OSBPL6: variants seen among roughly 807,000 people sequenced by gnomAD.
The protein encoded by OSBPL6 is oxysterol-binding protein-related protein 6.
In OSBPL6, 49 loss-of-function variants were observed where a neutral mutation model predicts 125.8. The observed-to-expected ratio is 0.39, with a 90% CI of 0.31 to 0.49. OSBPL6 has a LOEUF of 0.49. OSBPL6 is among the 20% of genes least tolerant of loss of function. The pLI, the probability that OSBPL6 is intolerant of heterozygous loss-of-function variation, is 0.88. For synonymous variants in OSBPL6, 394 were observed against 391.8 expected (o/e 1.01, Z -0.07); for missense variants, 986 against 1,135.4 (o/e 0.87, Z 1.89).
chr2:178,342,976 A>AT lies in OSBPL6; in HGVS notation c.987+3221dup, dbSNP rs941906149. On this transcript the variant is annotated intron_variant, in intron 11 of 24. Coordinates refer to ENST00000190611, the MANE Select transcript of OSBPL6 (RefSeq NM_032523.4). ...TAAGTAGAAAGGATTTTGTCTAGAA[A>AT]TTTTTTTTTGTGGAAAACAGATTAT... Among the ~76,000 whole-genome samples the AT allele has an allele frequency of 1.8e-4, 28 of 151,824 alleles. No individual in the cohort carries two copies. The South Asian group carries it at 5.2e-3, about 28-fold the overall frequency.
At chr2:178,245,461 A>T (rs2091455325) in intron 1 of OSBPL6, among the ~76,000 whole-genome samples, 1 of 152,178 alleles carries the variant, frequency 6.6e-6, no homozygotes, top group Non-Finnish European at 1.5e-5. Flanking sequence ...AGGACATAGA[A>T]AGAATTCAGC....
chr2:178,318,022 G>A (rs1481729422), intron 3 of OSBPL6, among the ~76,000 whole-genome samples: 1 of 152,154 alleles, frequency 6.6e-6, no homozygotes, highest in African/African-American at 2.4e-5. Context: ...CTCTGATTTA[G>A]TTATGCTGTT....
intron 1 of OSBPL6, among the ~76,000 whole-genome samples, chr2:178,265,752 T>TA (rs1376551300): frequency 6.6e-6 from 1 of 152,186 alleles, no homozygotes; most frequent in African/African-American, 2.4e-5. Context: ...TAAACTTTTT[T>TA]ATTTTCTTTC....
chr2:178,296,843 T>C (rs926270042), intron 2 of OSBPL6, among the ~76,000 whole-genome samples: 3 of 152,200 alleles, frequency 2.0e-5, no homozygotes, highest in African/African-American at 7.2e-5. Flanking sequence ...GAATGAGCAA[T>C]AATTGAAACC....
At chr2:178,197,921 A>G (rs1429074791) in intron 1 of OSBPL6, among the ~76,000 whole-genome samples, 2 of 152,254 alleles carry the variant, frequency 1.3e-5, no homozygotes, top group East Asian at 3.8e-4. Context: ...GTCCCTATGC[A>G]TAGGCATGAG....
intron 20 of OSBPL6, among the ~76,000 whole-genome samples, chr2:178,388,802 A>G (rs1477876345): frequency 6.6e-6 from 1 of 152,180 alleles, no homozygotes; most frequent in Non-Finnish European, 1.5e-5. Flanking sequence ...TAACTTTAGC[A>G]CCTGGCCCAT....
At chr2:178,301,368 C>A (rs928855401) in intron 2 of OSBPL6, among the ~76,000 whole-genome samples, 1 of 152,040 alleles carries the variant, frequency 6.6e-6, no homozygotes, top group Non-Finnish European at 1.5e-5. Context: ...TGTGGTATAT[C>A]TGTGTGGTAG....
rs141279646 is a variant in OSBPL6, at chr2:178,249,238, C to T, written c.-350-35689C>T. 2.3e-3 allele frequency among the ~76,000 whole-genome samples: 354 copies of T among 152,278 alleles called. 2 individuals are homozygous for T. The highest frequency in any genetic ancestry group is 8.3e-3 in the African/African-American group (344 of 41,546). ...TACAGGTGTGAGTTACCATGCCCAGCTTCTATTGTATTTTTTAAGCAAAAT... is the reference window on the plus strand; with the variant it reads ...TACAGGTGTGAGTTACCATGCCCAGTTTCTATTGTATTTTTTAAGCAAAAT... On this transcript the variant is annotated intron_variant, in intron 1 of 24. Coordinates refer to ENST00000190611, the MANE Select transcript of OSBPL6 (RefSeq NM_032523.4).
chr2:178,391,587 A>G (rs552252842), intron 22 of OSBPL6, among the ~76,000 whole-genome samples: 1 of 152,340 alleles, frequency 6.6e-6, no homozygotes, highest in East Asian at 1.9e-4. Context: ...CTCTGCTTTA[A>G]TAAAACAAAG....
intron 3 of OSBPL6, among the ~76,000 whole-genome samples, chr2:178,319,078 T>C (rs1688018879): frequency 1.3e-5 from 2 of 152,196 alleles, no homozygotes; most frequent in African/African-American, 4.8e-5. Flanking sequence ...CGTGTCATAG[T>C]AAATAGCAGA....
At chr2:178,388,967 G>A (rs373906858) in intron 20 of OSBPL6, 42 bp from the exon 21 acceptor site, 72 of 1,601,092 alleles carry the variant, frequency 4.5e-5, no homozygotes, top group Non-Finnish European at 5.9e-5. Context: ...ATATGTGTTT[G>A]TGACCTTGGT....
intron 1 of OSBPL6, among the ~76,000 whole-genome samples, chr2:178,241,416 C>CTT (rs142847395): frequency 7.4e-5 from 10 of 134,440 alleles, no homozygotes; most frequent in Non-Finnish European, 1.1e-4. Context: ...CCGGCCAGGG[C>CTT]TTTTTTTTTT....
intron 3 of OSBPL6, among the ~76,000 whole-genome samples, chr2:178,307,507 A>T (rs1044662349): frequency 1.9e-4 from 29 of 152,108 alleles, no homozygotes; most frequent in African/African-American, 7.0e-4. Flanking sequence ...GTTCTTTAGA[A>T]GTAGTCATGC....
At chr2:178,328,507 A>G in intron 5 of OSBPL6, 129 bp downstream of exon 5, 6 of 1,117,692 alleles carry the variant, frequency 5.4e-6, no homozygotes, top group Non-Finnish European at 7.4e-6. Flanking sequence ...CTTTTTTTTG[A>G]GACAGATTCT....
At chr2:178,292,321 T>C (rs1323446962) in intron 2 of OSBPL6, among the ~76,000 whole-genome samples, 1 of 152,214 alleles carries the variant, frequency 6.6e-6, no homozygotes, top group East Asian at 1.9e-4. Context: ...AAAATTTTAC[T>C]TTATTCACTT....
At chr2:178,213,265 T>C (rs1024411324) in intron 1 of OSBPL6, among the ~76,000 whole-genome samples, 3 of 151,986 alleles carry the variant, frequency 2.0e-5, no homozygotes, top group African/African-American at 7.2e-5. Flanking sequence ...TGCTAGCAAA[T>C]TCCAAATTTA....
At chr2:178,383,927 A>T in intron 17 of OSBPL6, 112 bp from the exon 18 acceptor site, 1 of 1,245,726 alleles carries the variant, frequency 8.0e-7, no homozygotes, top group Non-Finnish European at 1.1e-6. Context: ...TGCAACTGTC[A>T]TCAAATCAAC....
intron 22 of OSBPL6, among the ~76,000 whole-genome samples, 179 bp from the exon 23 acceptor site, chr2:178,392,233 C>G (rs1695468528): frequency 1.3e-5 from 2 of 152,174 alleles, no homozygotes; most frequent in African/African-American, 2.4e-5. Context: ...TTCTGATCAT[C>G]AACACAAAGT....
Position 178,391,175 on chromosome 2 carries a change from T to C in OSBPL6, c.2404T>C (p.Tyr802His). 6.2e-7 allele frequency: 1 copy of C among 1,613,390 alleles called. No individual in the cohort carries two copies. Among genetic ancestry groups the C allele is most frequent in the South Asian group, 1.1e-5 (1 of 90,816 alleles). Residue 802 changes from tyrosine to histidine, a missense_variant, in exon 22 of 25, where the codon TAC becomes CAC. This residue lies in a region of OSBPL6 where 843 missense variants were observed against 997.3 expected (regional missense o/e 0.85). Coordinates refer to ENST00000190611, the MANE Select transcript of OSBPL6 (RefSeq NM_032523.4). ...GTTTGGAAAGTGGCATGAAGGACTC[T>C]ACTGTGGTGTGGCCCCCTCTGCAAA... ...RLFGKWHEGL[Y>H]CGVAPSAKCI...
Sources: gnomAD v4.1 joint callset for allele counts (sites outside exome capture counted in the v4.1 genomes callset) on GRCh38, gnomAD v4.1.1 for gene constraint, gnomAD v4.1.1 regional missense constraint, MANE v1.5 for transcripts, NCBI Gene and HGNC (gene_info 2026-07-23, HGNC 2026-07-21) for gene names.